Variants in SECISBP2L observed in about 807,000 individuals in gnomAD.
The protein encoded by SECISBP2L is selenocysteine insertion sequence-binding protein 2-like.
Under a neutral mutation model 114.7 loss-of-function variants are expected in SECISBP2L, and 43 were observed. The ratio of observed to expected loss-of-function variants is 0.38; its 90% CI spans 0.29 to 0.48. The LOEUF is 0.48. Among genes scored for constraint, SECISBP2L ranks in the 20% least tolerant of loss-of-function variants. The pLI is 0.98. For missense variants in SECISBP2L, 1,136 were observed against 1,301.1 expected (o/e 0.87, Z 1.95); for synonymous variants, 451 against 439.7 (o/e 1.03, Z -0.32).
At chr15:49,045,304 T>C (rs962912429) in intron 1 of SECISBP2L, among the ~76,000 whole-genome samples, 1 of 152,180 alleles carries the variant, frequency 6.6e-6, no homozygotes, top group Non-Finnish European at 1.5e-5. Flanking sequence ...ATACAGGAAT[T>C]TGGGAAATCT....
At chr15:49,015,239 G>A (rs35668646) in intron 11 of SECISBP2L, among the ~76,000 whole-genome samples, 2,114 of 152,174 alleles carry the variant, frequency 0.014, 26 homozygotes, top group East Asian at 0.027. Flanking sequence ...AGGGCATACC[G>A]CCTCCAGAAC....
In SECISBP2L at chr15:49,035,694, A is replaced by T. The variant is rs764763996; in HGVS notation, c.204-36T>A. 5.1e-6 allele frequency: 8 copies of T among 1,562,970 alleles called. 1 individual carries two copies. The African/African-American group carries it at 8.2e-5, about 16-fold the overall frequency. ...AAATCAAAGAAGAACAAATCTATTG[A>T]CAAGTCTAAAAATACCACTAAAGCA... is the stretch of plus-strand genomic sequence containing the variant. On this transcript the variant is annotated intron_variant, in intron 2 of 17. Coordinates refer to ENST00000559471, the MANE Select transcript of SECISBP2L (RefSeq NM_001193489.2).
intron 2 of SECISBP2L, 125 bp downstream of exon 2, chr15:49,037,466 T>G: frequency 1.2e-6 from 1 of 806,144 alleles, no homozygotes; most frequent in South Asian, 2.0e-5. Context: ...TCAGTATCAT[T>G]TTATTTACTC....
chr15:49,009,759 A>C (rs984355030), intron 13 of SECISBP2L, among the ~76,000 whole-genome samples: 14 of 152,104 alleles, frequency 9.2e-5, no homozygotes, highest in Non-Finnish European at 1.9e-4. Flanking sequence ...CATAGCCCAG[A>C]AGTCTCCACA....
intron 14 of SECISBP2L, among the ~76,000 whole-genome samples, chr15:49,005,305 G>A (rs1229247814): frequency 6.7e-6 from 1 of 149,224 alleles, no homozygotes; most frequent in East Asian, 2.0e-4. Flanking sequence ...ACTCCAGCCT[G>A]GGTGACAGAC....
At position 49,027,306 on chromosome 15, in the gene SECISBP2L, C is replaced by T. The variant is rs1902763963; in HGVS notation, c.1035+59G>A. 2.1e-5 allele frequency: 27 copies of T among 1,265,654 alleles called. No homozygotes were observed. In the South Asian group the frequency reaches 3.5e-4, roughly 17 times the overall value. The allele number at this position is 1,265,654 out of a possible 1,614,324, so 78.4% of individuals were successfully genotyped here. On this transcript the variant is annotated intron_variant, in intron 7 of 17. Coordinates refer to ENST00000559471, the MANE Select transcript of SECISBP2L (RefSeq NM_001193489.2). ...ATATCCACTACACCACTGTAACTAA[C>T]AAATCTAAAATGACTCATCTCATAC...
At chr15:48,993,098 A>AGTGTGT (rs1222412064) in intron 17 of SECISBP2L, among the ~76,000 whole-genome samples, 172 bp from the exon 18 acceptor site, 7 of 122,064 alleles carry the variant, frequency 5.7e-5, no homozygotes, top group African/African-American at 3.3e-4. Flanking sequence ...AGACAGAGAG[A>AGTGTGT]GAGTGTGTGT....
intron 2 of SECISBP2L, 46 bp from the exon 3 acceptor site, chr15:49,035,704 A>C: frequency 6.6e-7 from 1 of 1,518,056 alleles, no homozygotes; most frequent in South Asian, 1.3e-5. Context: ...ACAAGTCTAA[A>C]AATACCACTA....
At chr15:49,019,854 A>G (rs1902607120) in intron 7 of SECISBP2L, among the ~76,000 whole-genome samples, 1 of 152,258 alleles carries the variant, frequency 6.6e-6, no homozygotes. Flanking sequence ...TGAACAGTTA[A>G]ACTAACTGTG....
rs1246162058 is a variant in SECISBP2L, at chr15:48,991,925, G to T, written c.*319C>A. On this transcript the variant is annotated 3_prime_UTR_variant, in exon 18 of 18. Coordinates refer to ENST00000559471, the MANE Select transcript of SECISBP2L (RefSeq NM_001193489.2). Reference sequence around the variant, plus strand: ...TAACTGCTTCTATCCTTAGAACCTTGTTCTTTAACTTTCAAAATGTCTTTT... The same window carrying T: ...TAACTGCTTCTATCCTTAGAACCTTTTTCTTTAACTTTCAAAATGTCTTTT... 5.0e-6 allele frequency: 1 copy of T among 199,628 alleles called. No homozygotes were observed. Among genetic ancestry groups the T allele is most frequent in the African/African-American group, 2.3e-5 (1 of 42,982 alleles). 12.4% of individuals were successfully genotyped at this position (199,628 alleles called of 1,614,324 possible). A position where few individuals can be genotyped will look rare whatever the true frequency, so the allele number is the denominator to read the frequency against.
intron 4 of SECISBP2L, among the ~76,000 whole-genome samples, chr15:49,032,334 T>A (rs1902907503): frequency 6.6e-6 from 1 of 152,182 alleles, no homozygotes; most frequent in Admixed American, 6.5e-5. Context: ...AGATCAAAGA[T>A]ACAAAGTGAA....
In SECISBP2L at chr15:49,017,586, T is replaced by C; in HGVS notation, c.1213A>G (p.Lys405Glu). The change falls in exon 9 of 18, where the codon AAG becomes GAG. Residue 405 changes from lysine (K) to glutamate (E), a missense_variant. Around this residue, in one of 2 missense-constraint regions of SECISBP2L, gnomAD observed 684 missense variants for 848.7 expected, o/e 0.81. Coordinates refer to ENST00000559471, the MANE Select transcript of SECISBP2L (RefSeq NM_001193489.2). ...FQELNENGNAKDENIQQKLSS... is the reference protein window; with the variant it reads ...FQELNENGNAEDENIQQKLSS... ...AGTTTTTGTTGAATATTCTCATCCT[T>C]AGCATTTCCATTCTCATTTAGTTCT... 1.2e-6 allele frequency: 2 copies of C among 1,608,836 alleles called. No homozygotes were observed. Among genetic ancestry groups the C allele is most frequent in the Non-Finnish European group, 1.7e-6 (2 of 1,178,160 alleles).
intron 6 of SECISBP2L, 43 bp from the exon 7 acceptor site, chr15:49,027,523 G>A: frequency 2.3e-6 from 3 of 1,299,920 alleles, no homozygotes; most frequent in Non-Finnish European, 3.2e-6. Context: ...CTTATAAAAG[G>A]TAGGAAAACC....
At chr15:48,999,317 T>C (rs1318832371) in intron 16 of SECISBP2L, among the ~76,000 whole-genome samples, 1 of 77,930 alleles carries the variant, frequency 1.3e-5, no homozygotes, top group Non-Finnish European at 3.0e-5. Flanking sequence ...AACCATTACA[T>C]TATCAGCTCC....
chr15:49,040,868 A>G (rs1452476945), intron 1 of SECISBP2L, among the ~76,000 whole-genome samples: 1 of 152,008 alleles, frequency 6.6e-6, no homozygotes, highest in Non-Finnish European at 1.5e-5. Context: ...AGTCCACATA[A>G]TAAAGCCCAT....
At chr15:49,002,168 T>C (rs902278398) in intron 14 of SECISBP2L, among the ~76,000 whole-genome samples, 2 of 152,250 alleles carry the variant, frequency 1.3e-5, no homozygotes, top group African/African-American at 4.8e-5. Flanking sequence ...CATGAGATGG[T>C]ATCTCATTGT....
At chr15:49,010,121 G>GCAGACA (rs1902406474) in intron 13 of SECISBP2L, among the ~76,000 whole-genome samples, 1 of 27,934 alleles carries the variant, frequency 3.6e-5, no homozygotes, top group East Asian at 5.3e-4. Context: ...AACAACAGAG[G>GCAGACA]CAGACACACA....
At chr15:49,034,066 G>A (rs1051613694) in intron 3 of SECISBP2L, among the ~76,000 whole-genome samples, 4 of 151,530 alleles carry the variant, frequency 2.6e-5, no homozygotes, top group African/African-American at 7.3e-5. Context: ...CTGAGTTCCC[G>A]AAAAGATATT....
intron 12 of SECISBP2L, among the ~76,000 whole-genome samples, chr15:49,012,070 T>C (rs1902447631): frequency 6.6e-6 from 1 of 152,010 alleles, no homozygotes; most frequent in East Asian, 1.9e-4. Flanking sequence ...AATTATGTTA[T>C]AGAATATACA....
Sources: allele counts gnomAD v4.1 joint callset (sites outside exome capture counted in the v4.1 genomes callset), GRCh38; gene constraint gnomAD v4.1.1; regional missense constraint gnomAD v4.1.1; transcripts MANE v1.5; gene names NCBI Gene and HGNC (gene_info 2026-07-23, HGNC 2026-07-21).